Variants in KCNK9 observed in about 807,000 individuals in gnomAD.
KCNK9 encodes potassium two pore domain channel subfamily K member 9, also known as potassium channel subfamily K member 9.
A neutral mutation model predicts 10.8 loss-of-function variants in KCNK9; 1 was observed. That is an observed-to-expected ratio of 0.09 (90% CI 0.03 to 0.44). The LOEUF (loss-of-function observed/expected upper bound fraction) is 0.44. Ranked by LOEUF, KCNK9 falls within the 20% of genes least tolerant of loss-of-function variation. The pLI, the probability that KCNK9 is intolerant of heterozygous loss-of-function variation, is 0.97. For synonymous variants in KCNK9, 231 were observed against 222.7 expected (o/e 1.04, Z -0.33); for missense variants, 303 against 515.0 (o/e 0.59, Z 3.98).
chr8:139,649,733 G>A (rs952726942), intron 1 of KCNK9, among the ~76,000 whole-genome samples: 3 of 152,332 alleles, frequency 2.0e-5, no homozygotes, highest in African/African-American at 7.2e-5. Flanking sequence ...ATTCTCAGCT[G>A]TGTAACCCTG....
chr8:139,607,489 C>T (rs1333284663), intron 2 of KCNK9, among the ~76,000 whole-genome samples: 1 of 152,202 alleles, frequency 6.6e-6, no homozygotes, highest in African/African-American at 2.4e-5. Flanking sequence ...TGCCTCATAG[C>T]TGTGTCATCT....
chr8:139,653,642 G>C (rs1322971757), intron 1 of KCNK9, among the ~76,000 whole-genome samples: 13 of 152,118 alleles, frequency 8.5e-5, no homozygotes, highest in Non-Finnish European at 8.8e-5. Flanking sequence ...CCTGGAGCTG[G>C]TTCCCACTGC....
intron 1 of KCNK9, among the ~76,000 whole-genome samples, chr8:139,625,725 GAA>G (rs113414842): frequency 0.1 from 13,913 of 136,952 alleles, 681 homozygotes; most frequent in Non-Finnish European, 0.11. Context: ...AACAAAACAG[GAA>G]AAAAAAAAAA....
chr8:139,663,687 G>GTGTGTGTGTT (rs1216407876), intron 1 of KCNK9, among the ~76,000 whole-genome samples: 1 of 151,212 alleles, frequency 6.6e-6, no homozygotes, highest in African/African-American at 2.4e-5. Flanking sequence ...GTGTGTTAGA[G>GTGTGTGTGTT]AGAGAGATAG....
chr8:139,622,657 C>A (rs1814827663), intron 1 of KCNK9, among the ~76,000 whole-genome samples: 1 of 152,284 alleles, frequency 6.6e-6, no homozygotes, highest in East Asian at 1.9e-4. Context: ...TATAAATAGC[C>A]CATTTATTAA....
intron 1 of KCNK9, among the ~76,000 whole-genome samples, chr8:139,633,561 A>T (rs1322065844): frequency 6.6e-6 from 1 of 151,948 alleles, no homozygotes; most frequent in Non-Finnish European, 1.5e-5. Context: ...ATGCACACAC[A>T]CTCAGACACA....
At chr8:139,673,030 C>T (rs192109997) in intron 1 of KCNK9, among the ~76,000 whole-genome samples, 19 of 152,324 alleles carry the variant, frequency 1.2e-4, no homozygotes, top group Middle Eastern at 3.4e-3. Context: ...CCACCTACCA[C>T]GTGCAGAACG....
chr8:139,667,753 C>T (rs1816334660), intron 1 of KCNK9, among the ~76,000 whole-genome samples: 1 of 152,102 alleles, frequency 6.6e-6, no homozygotes, highest in South Asian at 2.1e-4. Context: ...AAATAACCTA[C>T]ACCTCCAACA....
At chr8:139,685,181 A>G (rs879731962) in intron 1 of KCNK9, among the ~76,000 whole-genome samples, 3 of 152,244 alleles carry the variant, frequency 2.0e-5, no homozygotes, top group Non-Finnish European at 2.9e-5. Flanking sequence ...ACAAAGAAAA[A>G]GTCCTGTAAA....
intron 1 of KCNK9, among the ~76,000 whole-genome samples, chr8:139,677,064 G>C (rs180753897): frequency 2.0e-5 from 3 of 152,286 alleles, no homozygotes; most frequent in Admixed American, 1.3e-4. Flanking sequence ...ACCCGGGCTG[G>C]CCAGTAGGCT....
At chr8:139,690,080 C>T (rs967564007) in intron 1 of KCNK9, among the ~76,000 whole-genome samples, 5 of 152,210 alleles carry the variant, frequency 3.3e-5, no homozygotes, top group Non-Finnish European at 5.9e-5. Flanking sequence ...TGTTTTCAGC[C>T]TCTGTGTTTG....
intron 1 of KCNK9, among the ~76,000 whole-genome samples, chr8:139,634,914 G>A (rs1352246536): frequency 1.3e-5 from 2 of 152,144 alleles, no homozygotes; most frequent in African/African-American, 2.4e-5. Flanking sequence ...TCTGAAGGGT[G>A]TTGCCTGGGT....
intron 1 of KCNK9, 95 bp from the exon 2 acceptor site, chr8:139,619,194 T>C: frequency 7.3e-7 from 1 of 1,374,960 alleles, no homozygotes; most frequent in Non-Finnish European, 1.0e-6. Context: ...TGCAGTGCAA[T>C]GCAGAGGGAC....
At chr8:139,624,364 A>G (rs1277328373) in intron 1 of KCNK9, among the ~76,000 whole-genome samples, 1 of 152,166 alleles carries the variant, frequency 6.6e-6, no homozygotes, top group Admixed American at 6.5e-5. Context: ...CAGCATCCCC[A>G]ACACCATCCT....
chr8:139,702,781 G>A lies in KCNK9; in HGVS notation c.212C>T (p.Pro71Leu), dbSNP rs1416743247. 6.2e-7 allele frequency: 1 copy of A among 1,613,652 alleles called. No individual in the cohort carries two copies. The highest frequency in any genetic ancestry group is 1.7e-5 in the Admixed American group (1 of 60,008). The change falls in exon 1 of 2, where the codon CCG (proline) becomes CTG (leucine). Residue 71 changes from proline to leucine, a missense_variant. By Grantham distance (98) the Pro-to-Leu change is moderately conservative. This residue lies in a region of KCNK9 where 58 missense variants were observed against 102.4 expected (regional missense o/e 0.57). Transcript: ENST00000520439. The surrounding 1 kb of genome is among the most constrained non-coding windows in gnomAD (Gnocchi z 7.5). ...TTTCCACTGGACGCCGGCGCGGTGC[G>A]GTTCCGACTGCAGGATCACCAGCTC... The part of the protein sequence containing the change: ...QLELVILQSE[P>L]HRAGVQWKFA...
intron 1 of KCNK9, among the ~76,000 whole-genome samples, chr8:139,690,420 CTT>C (rs1318792243): frequency 6.6e-6 from 1 of 152,230 alleles, no homozygotes; most frequent in Non-Finnish European, 1.5e-5. Flanking sequence ...TGAGGTCACA[CTT>C]ATCCTGGGGA....
intron 1 of KCNK9, among the ~76,000 whole-genome samples, chr8:139,699,547 A>G (rs965609166): frequency 4.6e-5 from 7 of 152,244 alleles, no homozygotes; most frequent in Non-Finnish European, 1.0e-4. Context: ...CCGCAGAAAT[A>G]GCTACAAGTG....
intron 1 of KCNK9, among the ~76,000 whole-genome samples, chr8:139,642,789 A>C (rs1815543595): frequency 6.6e-6 from 1 of 152,196 alleles, no homozygotes; most frequent in Non-Finnish European, 1.5e-5. Flanking sequence ...GCTTCATCTA[A>C]AGCAAATTCT....
intron 1 of KCNK9, among the ~76,000 whole-genome samples, chr8:139,698,996 G>A (rs1817131066): frequency 2.0e-5 from 3 of 152,110 alleles, no homozygotes; most frequent in African/African-American, 4.8e-5. Flanking sequence ...GCTGGGCCCC[G>A]AGGTTCTGGG....
Sources: gnomAD v4.1 joint callset for allele counts (sites outside exome capture counted in the v4.1 genomes callset) on GRCh38, gnomAD v4.1.1 for gene constraint, gnomAD v4.1.1 regional missense constraint, Gnocchi (gnomAD v3.1) non-coding constraint, MANE v1.5 for transcripts, NCBI Gene and HGNC (gene_info 2026-07-23, HGNC 2026-07-21) for gene names.